The following HGSNAT variants were observed in gnomAD, a reference collection of about 807,000 sequenced individuals.
The protein encoded by HGSNAT is transmembrane protein 76.
In HGSNAT, 59 loss-of-function variants were observed where a neutral mutation model predicts 85.2. The ratio of observed to expected loss-of-function variants is 0.69; its 90% CI spans 0.56 to 0.86. The LOEUF (loss-of-function observed/expected upper bound fraction) is 0.86. HGSNAT is among the 40% of genes least tolerant of loss of function. The pLI is 0.00. For synonymous variants in HGSNAT, 321 were observed against 304.5 expected (o/e 1.05, Z -0.56); for missense variants, 756 against 777.1 (o/e 0.97, Z 0.32).
intron 5 of HGSNAT, among the ~76,000 whole-genome samples, chr8:43,164,951 C>T (rs773952021): frequency 6.6e-5 from 10 of 151,564 alleles, no homozygotes; most frequent in East Asian, 1.9e-4. Context: ...ACATACTCAA[C>T]GCTTATTGAC....
Position 43,199,440 on chromosome 8 carries a change from C to A in HGSNAT, c.1779C>A (p.Phe593Leu). Residue 593 changes from phenylalanine to leucine, a missense_variant, in exon 18 of 18, where the codon TTC becomes TTA. Coordinates refer to ENST00000379644, the MANE Select transcript of HGSNAT (RefSeq NM_152419.3). ...YVGHEVFENY[F>L]PFQWKLKDNQ... ...GCCACGAGGTGTTTGAGAACTACTT[C>A]CCCTTTCAGTGGAAGCTGAAGGACA... 6.2e-7 allele frequency: 1 copy of A among 1,610,676 alleles called. No homozygotes were observed. Among genetic ancestry groups the A allele is most frequent in the South Asian group, 1.1e-5 (1 of 90,062 alleles).
At chr8:43,151,272 A>G (rs1295047895) in intron 2 of HGSNAT, among the ~76,000 whole-genome samples, 2 of 152,164 alleles carry the variant, frequency 1.3e-5, no homozygotes, top group Non-Finnish European at 1.5e-5. Flanking sequence ...CTGCAGTCCA[A>G]GTGTCTGGTT....
intron 11 of HGSNAT, among the ~76,000 whole-genome samples, chr8:43,188,820 T>G (rs925764297): frequency 1.3e-5 from 2 of 152,250 alleles, no homozygotes; most frequent in Non-Finnish European, 1.5e-5. Context: ...GATGTACAGA[T>G]GGGGTTTTGG....
At chr8:43,157,890 A>G (rs1586711094) in intron 2 of HGSNAT, among the ~76,000 whole-genome samples, 1 of 152,354 alleles carries the variant, frequency 6.6e-6, no homozygotes, top group African/African-American at 2.4e-5. Context: ...CTTTGAAACC[A>G]GCCTAAATAC....
At chr8:43,173,553 G>C (rs1317773954) in intron 8 of HGSNAT, among the ~76,000 whole-genome samples, 160 bp from the exon 9 acceptor site, 1 of 152,092 alleles carries the variant, frequency 6.6e-6, no homozygotes, top group African/African-American at 2.4e-5. Context: ...CAGGTGATCT[G>C]CTCGCCTCGG....
Position 43,147,005 on chromosome 8 carries a change from A to G in HGSNAT, c.176A>G (p.His59Arg). 2.5e-6 allele frequency: 4 copies of G among 1,611,182 alleles called. No individual in the cohort carries two copies. The highest frequency in any genetic ancestry group is 3.4e-6 in the Non-Finnish European group (4 of 1,179,252). ...LKMDQALLLI[H>R]NELLWTNLTV... The stretch of plus-strand genomic sequence containing the variant: ...ATGGATCAGGCTTTGCTACTCATCC[A>G]TAATGAACTTCTCTGGACCAACTTG... Residue 59 changes from histidine (H) to arginine (R), a missense_variant, in exon 2 of 18, where the codon CAT (histidine) becomes CGT (arginine). Transcript: ENST00000379644.
In HGSNAT at chr8:43,152,465, T is replaced by C. The variant is rs1440004966; in HGVS notation, c.234+5402T>C. ...CAAGCTGAGAAATGATTTTTTATTT[T>C]TGAGGCAGGGTCTTGCTCTGTTGCC... On this transcript the variant is annotated intron_variant, in intron 2 of 17. Transcript: ENST00000379644. 2.0e-5 allele frequency among the ~76,000 whole-genome samples: 3 copies of C among 152,200 alleles called. 1 individual carries two copies. The highest frequency in any genetic ancestry group is 4.4e-5 in the Non-Finnish European group (3 of 68,034).
At chr8:43,141,251 C>T (rs2130653091) in intron 1 of HGSNAT, among the ~76,000 whole-genome samples, 1 of 152,276 alleles carries the variant, frequency 6.6e-6, no homozygotes, top group East Asian at 1.9e-4. Context: ...CTCCGCGCGT[C>T]TCCCCTCGGC....
chr8:43,179,525 G>A (rs1469497641), intron 10 of HGSNAT, among the ~76,000 whole-genome samples: 3 of 130,144 alleles, frequency 2.3e-5, no homozygotes, highest in African/African-American at 6.2e-5. Flanking sequence ...CGGACGGGGC[G>A]GCTGGCCGAC....
At chr8:43,145,665 G>A (rs1380087824) in intron 1 of HGSNAT, among the ~76,000 whole-genome samples, 1 of 151,932 alleles carries the variant, frequency 6.6e-6, no homozygotes, top group African/African-American at 2.4e-5. Flanking sequence ...GCAGGAGAAT[G>A]GCTTGAACCC....
At chr8:43,140,721 G>A in intron 1 of HGSNAT, 107 bp downstream of exon 1, 1 of 426,594 alleles carries the variant, frequency 2.3e-6, no homozygotes. Flanking sequence ...AGGCCGGGCC[G>A]GAACCGCCCC....
In HGSNAT at chr8:43,176,855, G is replaced by A. The variant is rs974214123; in HGVS notation, c.852-1219G>A. On this transcript the variant is annotated intron_variant, in intron 9 of 17. Transcript: ENST00000379644. ...TGATTTCTTTTTCAGATTGTTTTCT[G>A]TTGGCATATAGAAATGCTACTGATT... 7.0e-4 allele frequency among the ~76,000 whole-genome samples: 106 copies of A among 152,178 alleles called. 1 individual carries two copies. The highest frequency in any genetic ancestry group is 9.7e-4 in the Non-Finnish European group (66 of 67,998).
intron 1 of HGSNAT, among the ~76,000 whole-genome samples, chr8:43,143,488 G>A (rs1186684525): frequency 6.6e-6 from 1 of 151,938 alleles, no homozygotes; most frequent in Non-Finnish European, 1.5e-5. Flanking sequence ...GACCTCTTCA[G>A]GCCTCAGATG....
intron 11 of HGSNAT, among the ~76,000 whole-genome samples, chr8:43,190,614 A>G (rs1420801917): frequency 6.6e-6 from 1 of 152,248 alleles, no homozygotes; most frequent in Non-Finnish European, 1.5e-5. Flanking sequence ...ATCCTGGGCC[A>G]TCACCATAGG....
Position 43,199,456 on chromosome 8 carries a change from C to A in HGSNAT, c.1795C>A (p.Leu599Met). The A allele has an allele frequency of 6.2e-7, 1 of 1,611,626 alleles. No individual in the cohort carries two copies. Among genetic ancestry groups the A allele is most frequent in the South Asian group, 1.1e-5 (1 of 90,374 alleles). Residue 599 changes from leucine to methionine, a missense_variant, in exon 18 of 18, where the codon CTG (leucine) becomes ATG (methionine). Transcript: ENST00000379644. ...FENYFPFQWK[L>M]KDNQSHKEHL... ...GAACTACTTCCCCTTTCAGTGGAAG[C>A]TGAAGGACAACCAGTCCCACAAGGA...
At chr8:43,148,775 A>G (rs1802796417) in intron 2 of HGSNAT, among the ~76,000 whole-genome samples, 1 of 151,328 alleles carries the variant, frequency 6.6e-6, no homozygotes, top group Non-Finnish European at 1.5e-5. Context: ...CCTGGGCAAC[A>G]AGAGCGAAAC....
intron 3 of HGSNAT, 56 bp from the exon 4 acceptor site, chr8:43,158,867 C>T: frequency 6.4e-7 from 1 of 1,564,370 alleles, no homozygotes; most frequent in Non-Finnish European, 8.7e-7. Flanking sequence ...TTAGCAAAAT[C>T]CAACTTCTTA....
intron 7 of HGSNAT, among the ~76,000 whole-genome samples, chr8:43,170,957 C>A (rs537839198): frequency 6.6e-6 from 1 of 152,286 alleles, no homozygotes; most frequent in Admixed American, 6.5e-5. Context: ...GAGTGAAGGG[C>A]ATTTTTATTT....
At chr8:43,189,614 C>T (rs1050035959) in intron 11 of HGSNAT, among the ~76,000 whole-genome samples, 2 of 152,170 alleles carry the variant, frequency 1.3e-5, no homozygotes, top group African/African-American at 4.8e-5. Context: ...GTGGGCTGTA[C>T]CCACTGTCTG....
Sources: gnomAD v4.1 joint callset for allele counts (sites outside exome capture counted in the v4.1 genomes callset) on GRCh38, gnomAD v4.1.1 for gene constraint, MANE v1.5 for transcripts, NCBI Gene and HGNC (gene_info 2026-07-23, HGNC 2026-07-21) for gene names.